Variants in ULK1 observed in about 807,000 individuals in gnomAD.
The protein encoded by ULK1 is unc-51 like autophagy activating kinase 1.
In ULK1, 48 loss-of-function variants were observed where a neutral mutation model predicts 117.5. The observed-to-expected ratio is 0.41, with a 90% CI of 0.32 to 0.52. ULK1 has a LOEUF of 0.52. Among genes scored for constraint, ULK1 ranks in the 20% least tolerant of loss-of-function variants. The pLI is 0.29. For synonymous variants in ULK1, 790 were observed against 637.8 expected (o/e 1.24, Z -3.60); for missense variants, 1,387 against 1,473.4 (o/e 0.94, Z 0.96).
chr12:131,908,559 T>C (rs1427557481), intron 5 of ULK1, 85 bp from the exon 6 acceptor site: 15 of 1,391,628 alleles, frequency 1.1e-5, no homozygotes, highest in Non-Finnish European at 1.4e-5. Flanking sequence ...TCTCCATCCG[T>C]GTGGCGGGAC....
At chr12:131,918,043 G>T (rs1889942084) in intron 22 of ULK1, among the ~76,000 whole-genome samples, 1 of 152,194 alleles carries the variant, frequency 6.6e-6, no homozygotes, top group African/African-American at 2.4e-5. Context: ...TCTGGTCCTG[G>T]CCAGGGGCTG....
chr12:131,921,201 C>T lies in ULK1; in HGVS notation c.3063C>T (p.Leu1021=), dbSNP rs761799707. Residue 1021 remains leucine, a synonymous_variant, in exon 27 of 28, where the codon CTC becomes CTT. Transcript: ENST00000321867. ...LLLLEGLQHM[L]SDQADIENVT... is the part of the protein sequence containing the mutation. ...TCCTGGAGGGGCTGCAGCACATGCT[C>T]TCGGACCAGGCCGACATCGAGAACG... 2 of 1,606,702 alleles carry T rather than the reference C, an allele frequency of 1.2e-6. No individual in the cohort carries two copies. Among genetic ancestry groups the T allele is most frequent in the Non-Finnish European group, 8.5e-7 (1 of 1,179,900 alleles).
intron 26 of ULK1, chr12:131,920,519 G>A: frequency 4.1e-6 from 1 of 246,428 alleles, no homozygotes; most frequent in Non-Finnish European, 8.0e-6. Context: ...CTCCCTGCTT[G>A]GGCTCTGAAG....
Position 131,919,464 on chromosome 12 carries a change from G to A in ULK1, c.2685-8G>A, listed in dbSNP as rs762992420. On this transcript the variant is annotated splice_region_variant and splice_polypyrimidine_tract_variant and intron_variant, in intron 24 of 27. Coordinates refer to ENST00000321867, the MANE Select transcript of ULK1 (RefSeq NM_003565.4). ...ACCGGCCTCCTCTGATCTGCCTGCC[G>A]CCCCCAGCTTCGCGGAACAGCTGGT... is the stretch of plus-strand genomic sequence containing the variant. 72 of 1,608,118 alleles carry A rather than the reference G, an allele frequency of 4.5e-5. No homozygotes were observed. Among genetic ancestry groups the A allele is most frequent in the Admixed American group, 1.2e-4 (7 of 59,828 alleles).
intron 26 of ULK1, 80 bp downstream of exon 26, chr12:131,920,216 GC>G: frequency 1.3e-6 from 2 of 1,531,124 alleles, no homozygotes; most frequent in Non-Finnish European, 1.8e-6. Context: ...GGACCTTGAT[GC>G]CCACAGCGTG....
At chr12:131,910,978 CA>C (rs1313323804) in intron 12 of ULK1, among the ~76,000 whole-genome samples, 178 bp downstream of exon 12, 2 of 152,244 alleles carry the variant, frequency 1.3e-5, no homozygotes, top group Admixed American at 6.5e-5. Flanking sequence ...CAGCCCCTCC[CA>C]ACACCCACAG....
chr12:131,912,388 G>T (rs141683988), intron 13 of ULK1, among the ~76,000 whole-genome samples: 2 of 152,156 alleles, frequency 1.3e-5, no homozygotes, highest in Non-Finnish European at 2.9e-5. Flanking sequence ...CCCCTCCCCC[G>T]CCATGTACCC....
chr12:131,918,398 G>A lies in ULK1; in HGVS notation c.2327-99G>A. 3 of 1,402,314 alleles carry A rather than the reference G, an allele frequency of 2.1e-6. No homozygotes were observed. The South Asian group carries it at 4.0e-5, about 19-fold the overall frequency. 86.9% of individuals were successfully genotyped at this position (1,402,314 alleles called of 1,614,324 possible). On this transcript the variant is annotated intron_variant, in intron 22 of 27. Transcript: ENST00000321867. The stretch of plus-strand genomic sequence containing the variant: ...TATAACAGGTGTAAACCGAGGCAGA[G>A]GCACATTGGGCCCTGGAGGTGTGGG...
chr12:131,913,374 A>G (rs1298564124), intron 14 of ULK1, 116 bp downstream of exon 14: 58 of 1,123,500 alleles, frequency 5.2e-5, no homozygotes, highest in Non-Finnish European at 6.5e-5. Flanking sequence ...CCTGGGTGAC[A>G]GAGCGAGACT....
rs142630747 is a variant in ULK1, at chr12:131,913,768, G to A, written c.1179G>A (p.Ala393=). Residue 393 remains alanine (A), a synonymous_variant, in exon 15 of 28, where the codon GCG becomes GCA. Coordinates refer to ENST00000321867, the MANE Select transcript of ULK1 (RefSeq NM_003565.4). ...MCSGSSLVAS[A]GLESHGRTPS... ...ACAGGAGCTCACTGGTGGCCTCTGC[G>A]GGCTTGGAGAGCCACGGCCGGACCC... is the stretch of plus-strand genomic sequence containing the variant. 2.2e-4 allele frequency: 341 copies of A among 1,566,040 alleles called. 1 individual carries two copies. Among genetic ancestry groups the A allele is most frequent in the East Asian group, 1.2e-3 (49 of 41,100 alleles).
Position 131,916,174 on chromosome 12 carries a change from C to T in ULK1, c.1878+15C>T, listed in dbSNP as rs200644415. On this transcript the variant is annotated intron_variant, in intron 19 of 27. Coordinates refer to ENST00000321867, the MANE Select transcript of ULK1 (RefSeq NM_003565.4). ...CCCCCACCAAGGTAATGGGCACTGC[C>T]ATGTGTGCAGGGGCACAGAGCCCTG... The T allele has an allele frequency of 4.2e-4, 671 of 1,608,660 alleles. 4 individuals are homozygous for T. The highest frequency in any genetic ancestry group is 4.2e-5 in the Non-Finnish European group (49 of 1,178,268).
At position 131,910,775 on chromosome 12, in the gene ULK1, C is replaced by A; in HGVS notation, c.923C>A (p.Ser308Tyr). The A allele has an allele frequency of 1.2e-6, 2 of 1,612,670 alleles. No individual in the cohort carries two copies. The highest frequency in any genetic ancestry group is 1.7e-6 in the Non-Finnish European group (2 of 1,179,902). Reference protein sequence around the residue: ...SGSGSSSSSSSTSHLASPPSL... With the variant: ...SGSGSSSSSSYTSHLASPPSL... ...TCCGGCAGCAGCTCCAGCAGCAGCT[C>A]CACCTCCCACCTGGCCTCCCCGCCG... The change falls in exon 12 of 28, where the codon TCC (serine) becomes TAC (tyrosine). Residue 308 changes from serine to tyrosine, a missense_variant. Ser to Tyr is a moderately radical substitution (Grantham distance 144). Coordinates refer to ENST00000321867, the MANE Select transcript of ULK1 (RefSeq NM_003565.4).
Position 131,917,423 on chromosome 12 carries a change from GC to G in ULK1, c.2196del (p.Phe733LeufsTer91). On this transcript the variant is annotated frameshift_variant, in exon 22 of 28. Transcript: ENST00000321867. LOFTEE classifies it high-confidence loss of function. ...CTTGCTCTCCCAGCACCCTCAGCTG[GC>G]TTTGGAGGGAGCCTGCACCCAGGAG... ...EKPMEIAPSA[G>X]FGGSLHPGAR... 1 of 1,533,274 alleles carries G rather than the reference GC, an allele frequency of 6.5e-7. No homozygotes were observed. The allele number at this position is 1,533,274 out of a possible 1,614,324, so 95.0% of individuals were successfully genotyped here. A position where few individuals can be genotyped will look rare whatever the true frequency, so the allele number is the denominator to read the frequency against.
chr12:131,895,889 TCC>T, intron 3 of ULK1, 65 bp downstream of exon 3: 5 of 1,596,296 alleles, frequency 3.1e-6, no homozygotes, highest in Non-Finnish European at 4.3e-6. Context: ...AGGTGCTGGA[TCC>T]CCTGGTGAGC....
chr12:131,909,287 C>A, intron 8 of ULK1, 50 bp downstream of exon 8: 2 of 1,508,674 alleles, frequency 1.3e-6, no homozygotes, highest in Non-Finnish European at 1.8e-6. Context: ...GTGCAAGTGT[C>A]CGCCAGCTGC....
intron 5 of ULK1, 51 bp downstream of exon 5, chr12:131,907,582 G>T: frequency 6.3e-7 from 1 of 1,584,170 alleles, no homozygotes. Flanking sequence ...CACAGGGCCC[G>T]CACCCAGGGC....
Position 131,917,072 on chromosome 12 carries a change from T to A in ULK1, c.2182+10T>A. 1 of 1,031,312 alleles carries A rather than the reference T, an allele frequency of 9.7e-7. No individual in the cohort carries two copies. Among genetic ancestry groups the A allele is most frequent in the Non-Finnish European group, 1.3e-6 (1 of 799,538 alleles). 63.9% of individuals were successfully genotyped at this position (1,031,312 alleles called of 1,614,324 possible). On this transcript the variant is annotated intron_variant, in intron 21 of 27. Transcript: ENST00000321867. ...AAGCCCATGGAGATCGGTGTGTGGG[T>A]GGGTGGGGCTCGGAGGCTGTGGGAT...
chr12:131,908,513 C>G, intron 5 of ULK1, 131 bp from the exon 6 acceptor site: 4 of 1,173,102 alleles, frequency 3.4e-6, no homozygotes, highest in Non-Finnish European at 4.5e-6. Flanking sequence ...CCTCCTGACC[C>G]GGGGTTTCCT....
intron 13 of ULK1, among the ~76,000 whole-genome samples, chr12:131,912,676 C>A (rs4964921): frequency 1.8e-4 from 28 of 152,254 alleles, no homozygotes; most frequent in African/African-American, 6.7e-4. Flanking sequence ...TCCGCCTCTC[C>A]CATCAGCATG....
Sources: gnomAD v4.1 joint callset for allele counts (sites outside exome capture counted in the v4.1 genomes callset) on GRCh38, gnomAD v4.1.1 for gene constraint, MANE v1.5 for transcripts, NCBI Gene and HGNC (gene_info 2026-07-23, HGNC 2026-07-21) for gene names.